CADM2: variants seen among roughly 807,000 people sequenced by gnomAD.
CADM2 encodes the protein cell adhesion molecule 2.
Under a neutral mutation model 49.8 loss-of-function variants are expected in CADM2, and 12 were observed. The ratio of observed to expected loss-of-function variants is 0.24; its 90% CI spans 0.15 to 0.39. The LOEUF (loss-of-function observed/expected upper bound fraction) is 0.39, where lower values mean the gene tolerates loss of function less well. Ranked by LOEUF, CADM2 falls within the 10% of genes least tolerant of loss-of-function variation. CADM2 has a pLI of 1.00. For missense variants in CADM2, 378 were observed against 492.3 expected, an observed-to-expected ratio of 0.77 and a Z score of 2.20; for synonymous variants, 214 against 175.4, an observed-to-expected ratio of 1.22 and a Z score of -1.74.
chr3:85,809,930 G>T (rs1387875848), intron 3 of CADM2, among the ~76,000 whole-genome samples: 2 of 151,712 alleles, frequency 1.3e-5, no homozygotes, highest in African/African-American at 4.9e-5. Flanking sequence ...ATATGTATTA[G>T]TAAATTTCCT....
At chr3:85,675,834 G>A (rs2065873474) in intron 1 of CADM2, among the ~76,000 whole-genome samples, 1 of 152,160 alleles carries the variant, frequency 6.6e-6, no homozygotes, top group Non-Finnish European at 1.5e-5. Flanking sequence ...AGGACAACTA[G>A]TCTAATTTCT....
At chr3:85,803,127 TTTTG>T (rs1449805369) in intron 3 of CADM2, among the ~76,000 whole-genome samples, 1 of 152,130 alleles carries the variant, frequency 6.6e-6, no homozygotes, top group Middle Eastern at 3.2e-3. Flanking sequence ...ATTCATTATA[TTTTG>T]TTCATTGTTA....
chr3:85,545,229 A>C (rs1217633808), intron 1 of CADM2, among the ~76,000 whole-genome samples: 1 of 152,180 alleles, frequency 6.6e-6, no homozygotes, highest in African/African-American at 2.4e-5. Flanking sequence ...AGGAAACATT[A>C]ATTAAACAAA....
chr3:85,363,404 T>C (rs1345837315), intron 1 of CADM2, among the ~76,000 whole-genome samples: 1 of 152,136 alleles, frequency 6.6e-6, no homozygotes, highest in Non-Finnish European at 1.5e-5. Context: ...ACCTGTGGAT[T>C]GCATCTATAG....
chr3:85,658,913 A>T (rs1165523476), intron 1 of CADM2, among the ~76,000 whole-genome samples: 1 of 150,996 alleles, frequency 6.6e-6, no homozygotes, highest in Non-Finnish European at 1.5e-5. Flanking sequence ...TTAGCCAGGC[A>T]CAGTGGTGTG....
intron 1 of CADM2, among the ~76,000 whole-genome samples, chr3:85,163,093 C>G (rs2040376511): frequency 6.6e-6 from 1 of 151,974 alleles, no homozygotes; most frequent in Non-Finnish European, 1.5e-5. Flanking sequence ...TTATGCAACA[C>G]AGTCATGTTA....
chr3:85,303,622 A>G (rs931423758), intron 1 of CADM2, among the ~76,000 whole-genome samples: 4 of 151,928 alleles, frequency 2.6e-5, no homozygotes, highest in Non-Finnish European at 4.4e-5. Context: ...TATGATATAT[A>G]TTATCTAGCA....
chr3:85,282,290 C>T (rs2043521546), intron 1 of CADM2, among the ~76,000 whole-genome samples: 2 of 120,194 alleles, frequency 1.7e-5, no homozygotes, highest in East Asian at 2.6e-4. Context: ...TTCGGACAGT[C>T]TCACTCTGTT....
chr3:85,354,459 A>T (rs544776037), intron 1 of CADM2, among the ~76,000 whole-genome samples: 106 of 151,838 alleles, frequency 7.0e-4, no homozygotes, highest in East Asian at 4.1e-3. Context: ...CATATGTAAC[A>T]AACCTGCACA....
Position 85,290,638 on chromosome 3 carries a change from C to G in CADM2, c.61+330970C>G, listed in dbSNP as rs146627784. 2.4e-3 allele frequency among the ~76,000 whole-genome samples: 359 copies of G among 152,326 alleles called. 1 individual carries two copies. Among genetic ancestry groups the G allele is most frequent in the Admixed American group, 4.5e-3 (69 of 15,304 alleles). On this transcript the variant is annotated intron_variant, in intron 1 of 9. Coordinates refer to ENST00000383699, the MANE Select transcript of CADM2 (RefSeq NM_001167675.2). ...TCAAGTGGGTCCCTGACCCTTGACC[C>G]CTGAGCTGCCTAACTGGGAGGCACC...
chr3:85,297,323 A>G (rs1248440588), intron 1 of CADM2, among the ~76,000 whole-genome samples: 1 of 152,062 alleles, frequency 6.6e-6, no homozygotes. Flanking sequence ...TAGCATTTGA[A>G]GGGTAGAGTG....
intron 1 of CADM2, among the ~76,000 whole-genome samples, chr3:85,719,203 TGTAA>T: frequency 6.6e-6 from 1 of 152,328 alleles, no homozygotes; most frequent in East Asian, 1.9e-4. Flanking sequence ...TTGCACATAT[TGTAA>T]GTAATTTACA....
At chr3:85,356,333 T>C (rs2031854284) in intron 1 of CADM2, among the ~76,000 whole-genome samples, 1 of 151,616 alleles carries the variant, frequency 6.6e-6, no homozygotes. Flanking sequence ...TACTAGGGAG[T>C]TGCAGAGAAG....
At chr3:85,746,475 G>A (rs1174441710) in intron 2 of CADM2, among the ~76,000 whole-genome samples, 1 of 152,014 alleles carries the variant, frequency 6.6e-6, no homozygotes, top group African/African-American at 2.4e-5. Flanking sequence ...CCATATAACT[G>A]CATTTTTCTA....
At chr3:85,286,711 T>C (rs2043642180) in intron 1 of CADM2, among the ~76,000 whole-genome samples, 1 of 152,146 alleles carries the variant, frequency 6.6e-6, no homozygotes, top group African/African-American at 2.4e-5. Context: ...CAATCTATCA[T>C]TTGATTATGC....
chr3:85,981,945 G>A (rs1577856394), intron 8 of CADM2, among the ~76,000 whole-genome samples: 1 of 151,762 alleles, frequency 6.6e-6, no homozygotes, highest in African/African-American at 2.4e-5. Flanking sequence ...TCTTTTCACA[G>A]TGACTGAACT....
At chr3:85,046,320 C>CTT (rs924286569) in intron 1 of CADM2, among the ~76,000 whole-genome samples, 25 of 122,824 alleles carry the variant, frequency 2.0e-4, no homozygotes, top group Admixed American at 3.3e-4. Flanking sequence ...TTACAATTTT[C>CTT]TTTTTTTTTT....
intron 1 of CADM2, among the ~76,000 whole-genome samples, chr3:85,537,614 AAC>A (rs2061453873): frequency 2.4e-5 from 1 of 42,336 alleles, no homozygotes; most frequent in Admixed American, 3.8e-4. Flanking sequence ...TATGCTATTT[AAC>A]ATGTCATGAC....
chr3:86,017,436 G>T (rs1488153018), intron 8 of CADM2, among the ~76,000 whole-genome samples: 1 of 151,928 alleles, frequency 6.6e-6, no homozygotes, highest in African/African-American at 2.4e-5. Flanking sequence ...CTGTTAGGAA[G>T]AAAAGTATTT....
Sources: allele counts gnomAD v4.1 joint callset (sites outside exome capture counted in the v4.1 genomes callset), GRCh38; gene constraint gnomAD v4.1.1; transcripts MANE v1.5; gene names NCBI Gene and HGNC (gene_info 2026-07-23, HGNC 2026-07-21).